Variants in PIK3C2B observed in about 807,000 individuals in gnomAD.
The protein encoded by PIK3C2B is phosphatidylinositol 4-phosphate 3-kinase C2 domain-containing subunit beta.
In PIK3C2B, 83 loss-of-function variants were observed where a neutral mutation model predicts 184.3. That is an observed-to-expected ratio of 0.45 (90% CI 0.38 to 0.54). The LOEUF (loss-of-function observed/expected upper bound fraction) is 0.54, where lower values mean the gene tolerates loss of function less well. Among genes scored for constraint, PIK3C2B ranks in the 20% least tolerant of loss-of-function variants. The probability of loss-of-function intolerance (pLI) is 0.00; values close to 1 mark genes in which losing one functional copy is unlikely to be tolerated. For missense variants in PIK3C2B, 1,736 were observed against 2,113.5 expected (o/e 0.82, Z 3.50); for synonymous variants, 779 against 837.6 (o/e 0.93, Z 1.21).
In PIK3C2B at chr1:204,441,579, G is replaced by A; in HGVS notation, c.3157-16C>T. 6.3e-7 allele frequency: 1 copy of A among 1,586,132 alleles called. No homozygotes were observed. Among genetic ancestry groups the A allele is most frequent in the Non-Finnish European group, 8.7e-7 (1 of 1,155,508 alleles). On this transcript the variant is annotated splice_polypyrimidine_tract_variant and intron_variant, in intron 20 of 32. Coordinates refer to ENST00000684373, the MANE Select transcript of PIK3C2B (RefSeq NM_001377334.1). ...AGGAACAGTCCTGCCATGGTGAAAA[G>A]ATAGTGACGAGGGTCAGAGTGGCCC...
At chr1:204,437,799 G>A (rs1376222603) in intron 23 of PIK3C2B, among the ~76,000 whole-genome samples, 1 of 152,156 alleles carries the variant, frequency 6.6e-6, no homozygotes, top group African/African-American at 2.4e-5. Flanking sequence ...AAGAGGCAAA[G>A]GAGAGACAGC....
intron 1 of PIK3C2B, among the ~76,000 whole-genome samples, chr1:204,478,351 C>T (rs192196136): frequency 1.1e-3 from 166 of 152,226 alleles, no homozygotes; most frequent in African/African-American, 3.7e-3. Context: ...TCCCACAGCC[C>T]GGCTCTAACA....
chr1:204,442,815 G>A (rs554708938), intron 19 of PIK3C2B, among the ~76,000 whole-genome samples, 182 bp from the exon 20 acceptor site: 4 of 152,322 alleles, frequency 2.6e-5, no homozygotes, highest in East Asian at 1.9e-4. Context: ...GGGACTGTAC[G>A]CTAACAGCAA....
intron 11 of PIK3C2B, among the ~76,000 whole-genome samples, chr1:204,455,219 G>A (rs1317381909): frequency 6.6e-6 from 1 of 152,218 alleles, no homozygotes; most frequent in African/African-American, 2.4e-5. Context: ...ACAGGTGCCT[G>A]ACAGAAGAGG....
chr1:204,441,641 C>A, intron 20 of PIK3C2B, 78 bp from the exon 21 acceptor site: 1 of 859,578 alleles, frequency 1.2e-6, no homozygotes, highest in Non-Finnish European at 1.9e-6. Context: ...CACTTCAGAC[C>A]AAGATGCTGC....
rs1004477294 is a variant in PIK3C2B, at chr1:204,434,448, T to C, written c.3677A>G (p.Asn1226Ser). The C allele has an allele frequency of 1.2e-6, 2 of 1,614,040 alleles. No individual in the cohort carries two copies. The highest frequency in any genetic ancestry group is 1.3e-5 in the African/African-American group (1 of 74,954). The change falls in exon 24 of 33, where the codon AAC becomes AGC. Residue 1226 changes from asparagine (N) to serine (S), a missense_variant. Asn to Ser is a conservative substitution (Grantham distance 46, BLOSUM62 1). Coordinates refer to ENST00000684373, the MANE Select transcript of PIK3C2B (RefSeq NM_001377334.1). ...TCAGGAGATCACTTACCGCTTGATGTTGCCAAACATCTGGGCATGGCCCAG... is the reference window on the plus strand; with the variant it reads ...TCAGGAGATCACTTACCGCTTGATGCTGCCAAACATCTGGGCATGGCCCAG... ...RFLGHAQMFG[N>S]IKRDRAPFVF...
intron 23 of PIK3C2B, among the ~76,000 whole-genome samples, chr1:204,436,895 A>G (rs938211341): frequency 2.6e-5 from 4 of 152,184 alleles, no homozygotes; most frequent in African/African-American, 9.7e-5. Context: ...CTCCTCTCCA[A>G]GGGTAGAGGG....
intron 10 of PIK3C2B, chr1:204,456,310 A>C: frequency 2.9e-6 from 1 of 341,242 alleles, no homozygotes. Context: ...TAGCATTAAA[A>C]TGTCCTTTCT....
Position 204,428,123 on chromosome 1 carries a change from A to G in PIK3C2B, c.4480+16T>C. 8 of 1,526,824 alleles carry G rather than the reference A, an allele frequency of 5.2e-6. No individual in the cohort carries two copies. Among genetic ancestry groups the G allele is most frequent in the Non-Finnish European group, 7.3e-6 (8 of 1,101,208 alleles). The allele number at this position is 1,526,824 out of a possible 1,614,324, so 94.6% of individuals were successfully genotyped here. ...TCAGAGGAGTTGGCAGTAAGGTCTC[A>G]GAGAAGATACTGTACCTGAGGACTT... On this transcript the variant is annotated intron_variant, in intron 30 of 32. Transcript: ENST00000684373.
chr1:204,438,062 C>A (rs1167634109), intron 23 of PIK3C2B, among the ~76,000 whole-genome samples: 5 of 152,248 alleles, frequency 3.3e-5, no homozygotes, highest in Admixed American at 3.3e-4. Context: ...TTAAGATCAT[C>A]TAATTACACA....
chr1:204,427,878 A>G, intron 30 of PIK3C2B, 124 bp from the exon 31 acceptor site: 1 of 710,076 alleles, frequency 1.4e-6, no homozygotes, highest in Non-Finnish European at 2.5e-6. Context: ...CATCTACATA[A>G]GTGTAGTCTG....
At chr1:204,490,428 A>G (rs920421575) in intron 1 of PIK3C2B, 2 of 152,724 alleles carry the variant, frequency 1.3e-5, no homozygotes, top group Non-Finnish European at 2.9e-5. Flanking sequence ...TAAATTTCCC[A>G]AAGACAAAGC....
chr1:204,462,191 C>A (rs1232340615), intron 5 of PIK3C2B, among the ~76,000 whole-genome samples: 1 of 152,100 alleles, frequency 6.6e-6, no homozygotes, highest in Admixed American at 6.5e-5. Flanking sequence ...CCCTGTCCCA[C>A]CTCACTAAGA....
At position 204,469,121 on chromosome 1, in the gene PIK3C2B, A is replaced by G. The variant is rs879189773; in HGVS notation, c.682T>C (p.Tyr228His). 2 of 1,614,210 alleles carry G rather than the reference A, an allele frequency of 1.2e-6. No homozygotes were observed. The highest frequency in any genetic ancestry group is 1.7e-6 in the Non-Finnish European group (2 of 1,180,030). ...GTAATTGCATCATTGATACCATCAT[A>G]GTCCACAGACCCCAGTAGGCGCCCC... is the stretch of plus-strand genomic sequence containing the variant. ...GQGRLLGSVDYDGINDAITRL... is the reference protein window; with the variant it reads ...GQGRLLGSVDHDGINDAITRL... Residue 228 changes from tyrosine (Y) to histidine (H), a missense_variant, in exon 2 of 33, where the codon TAT becomes CAT. By Grantham distance (83) the Tyr-to-His change is moderately conservative (BLOSUM62 2). Coordinates refer to ENST00000684373, the MANE Select transcript of PIK3C2B (RefSeq NM_001377334.1).
intron 8 of PIK3C2B, among the ~76,000 whole-genome samples, chr1:204,458,585 C>G (rs1414210789): frequency 6.6e-6 from 1 of 151,880 alleles, no homozygotes; most frequent in Non-Finnish European, 1.5e-5. Context: ...CCTCTGCCTC[C>G]CGGGTTCAAG....
Position 204,433,419 on chromosome 1 carries a change from A to G in PIK3C2B, c.3850T>C (p.Ser1284Pro). 3 of 1,584,542 alleles carry G rather than the reference A, an allele frequency of 1.9e-6. No homozygotes were observed. The highest frequency in any genetic ancestry group is 2.2e-5 in the South Asian group (2 of 90,426). ...LFLNLLGLMLSCGIPELSDLE... is the reference protein window; with the variant it reads ...LFLNLLGLMLPCGIPELSDLE... The stretch of plus-strand genomic sequence containing the variant: ...TCTGAGAGTTCAGGGATCCCACAGG[A>G]CAACATCTAGAAGGAGCAGAAAGAA... Residue 1284 changes from serine to proline, a missense_variant, in exon 26 of 33, where the codon TCC becomes CCC. By Grantham distance (74) the Ser-to-Pro change is moderately conservative (BLOSUM62 -1). Around this residue, in one of 8 missense-constraint regions of PIK3C2B, gnomAD observed 119 missense variants for 179.3 expected, o/e 0.66. Coordinates refer to ENST00000684373, the MANE Select transcript of PIK3C2B (RefSeq NM_001377334.1). This position sits in a 1 kb window ranked among gnomAD's most constrained non-coding sequence, Gnocchi z 5.0.
chr1:204,435,855 T>C (rs1421197029), intron 23 of PIK3C2B: 3 of 152,238 alleles, frequency 2.0e-5, no homozygotes. Flanking sequence ...AGCATTCATC[T>C]TCTGGAAGAA....
intron 28 of PIK3C2B, among the ~76,000 whole-genome samples, chr1:204,430,885 C>T (rs1675016362): frequency 6.6e-6 from 1 of 151,774 alleles, no homozygotes; most frequent in African/African-American, 2.4e-5. Flanking sequence ...AACTCCTGAC[C>T]TCAGGCAATC....
At position 204,447,957 on chromosome 1, in the gene PIK3C2B, G is replaced by A. The variant is rs1222201946; in HGVS notation, c.2347-379C>T. Among the ~76,000 whole-genome samples, 2 of 152,134 alleles carry A rather than the reference G, an allele frequency of 1.3e-5. No homozygotes were observed. The highest frequency in any genetic ancestry group is 4.8e-5 in the African/African-American group (2 of 41,430). ...GGGGTGCCAGAGGACACTGCTGCCA[G>A]AGGGGAGGCAAGACCACACACTGGG... On this transcript the variant is annotated intron_variant, in intron 14 of 32. Transcript: ENST00000684373. The surrounding 1 kb of genome is among the most constrained non-coding windows in gnomAD (Gnocchi z 4.1).
Sources: allele counts gnomAD v4.1 joint callset (sites outside exome capture counted in the v4.1 genomes callset), GRCh38; gene constraint gnomAD v4.1.1; regional missense constraint gnomAD v4.1.1; non-coding constraint Gnocchi (gnomAD v3.1); transcripts MANE v1.5; gene names NCBI Gene and HGNC (gene_info 2026-07-23, HGNC 2026-07-21).